RNF150: variants seen among roughly 807,000 people sequenced by gnomAD.
RNF150 encodes ring finger protein 150.
A neutral mutation model predicts 39.3 loss-of-function variants in RNF150; 24 were observed. That is an observed-to-expected ratio of 0.61 (90% CI 0.44 to 0.86). RNF150 has a LOEUF of 0.86. RNF150 is among the 40% of genes least tolerant of loss of function. RNF150 has a pLI of 0.00. For missense variants in RNF150, 502 were observed against 587.8 expected (o/e 0.85, Z 1.51); for synonymous variants, 255 against 227.3 (o/e 1.12, Z -1.10).
intron 1 of RNF150, among the ~76,000 whole-genome samples, chr4:141,167,048 G>C (rs6827410): frequency 3.3e-5 from 5 of 151,878 alleles, no homozygotes; most frequent in Non-Finnish European, 7.4e-5. Context: ...GAAAACCCCA[G>C]CATCTCAGCC....
chr4:141,078,347 A>T (rs1218485128), intron 1 of RNF150, among the ~76,000 whole-genome samples: 2 of 152,126 alleles, frequency 1.3e-5, no homozygotes, highest in African/African-American at 4.8e-5. Flanking sequence ...CAATTTTGAA[A>T]CGGTGTACTG....
intron 1 of RNF150, among the ~76,000 whole-genome samples, chr4:141,127,725 A>G (rs550046305): frequency 2.0e-5 from 3 of 152,142 alleles, no homozygotes; most frequent in Non-Finnish European, 4.4e-5. Context: ...TCCATCTCCA[A>G]GTTGCCCTTA....
At chr4:141,096,618 G>GT (rs911340407) in intron 1 of RNF150, among the ~76,000 whole-genome samples, 19 of 152,284 alleles carry the variant, frequency 1.2e-4, no homozygotes, top group African/African-American at 4.1e-4. Flanking sequence ...TTGCTAAGAT[G>GT]TAAGTCATGC....
rs374525472 is a variant in RNF150 at position 140,902,771 on chromosome 4, A to C, written c.1198+8373T>G. ...GAGACAGGGTCCGCTGCGTATAGGA[A>C]TCCCAGAAGGAGATCAGGCTACAGC... On this transcript the variant is annotated intron_variant, in intron 6 of 6. Coordinates refer to ENST00000515673, the MANE Select transcript of RNF150 (RefSeq NM_020724.2). Among the ~76,000 whole-genome samples the C allele has an allele frequency of 2.0e-4, 30 of 152,314 alleles. No homozygotes were observed. In the South Asian group the frequency reaches 6.2e-3, roughly 32 times the overall value.
At chr4:140,967,576 C>T in intron 2 of RNF150, 47 bp downstream of exon 2, 1 of 1,528,370 alleles carries the variant, frequency 6.5e-7, no homozygotes, top group South Asian at 1.3e-5. Context: ...TGTTTAATAA[C>T]ATTTTTGTAA....
intron 1 of RNF150, among the ~76,000 whole-genome samples, chr4:141,115,185 A>G (rs1010955930): frequency 7.2e-5 from 11 of 152,216 alleles, no homozygotes; most frequent in Non-Finnish European, 1.3e-4. Context: ...TCAAACAGGA[A>G]GAGAGGAAGT....
intron 1 of RNF150, among the ~76,000 whole-genome samples, chr4:141,015,258 C>T (rs550057148): frequency 6.6e-5 from 10 of 152,230 alleles, no homozygotes; most frequent in African/African-American, 2.4e-4. Context: ...ATGATGCTTC[C>T]AGACTTTTTC....
intron 1 of RNF150, among the ~76,000 whole-genome samples, chr4:141,009,769 T>A (rs73858470): frequency 0.076 from 11,540 of 152,244 alleles, 496 homozygotes; most frequent in Middle Eastern, 0.16. Flanking sequence ...TACCACCAAC[T>A]TAATGTTAAT....
chr4:140,934,325 T>A (rs147750999), intron 4 of RNF150, among the ~76,000 whole-genome samples: 2 of 152,076 alleles, frequency 1.3e-5, no homozygotes, highest in Non-Finnish European at 2.9e-5. Context: ...CATCATTTTT[T>A]AAAAAAGAAA....
intron 1 of RNF150, among the ~76,000 whole-genome samples, chr4:141,058,286 G>C (rs1174572639): frequency 6.6e-6 from 1 of 151,942 alleles, no homozygotes; most frequent in Non-Finnish European, 1.5e-5. Flanking sequence ...AGAAAGAAAG[G>C]GATGAAGAGG....
chr4:140,956,237 C>A (rs139415256), intron 2 of RNF150, among the ~76,000 whole-genome samples: 113 of 152,270 alleles, frequency 7.4e-4, no homozygotes, highest in Middle Eastern at 3.4e-3. Context: ...GACAGGGATA[C>A]CTGCCATGGC....
At chr4:141,158,905 CT>C (rs1438559679) in intron 1 of RNF150, among the ~76,000 whole-genome samples, 3 of 152,096 alleles carry the variant, frequency 2.0e-5, no homozygotes, top group Non-Finnish European at 4.4e-5. Context: ...TTCTTCATTC[CT>C]TTTTGTTAAG....
chr4:141,188,894 C>T (rs991395071), intron 1 of RNF150, among the ~76,000 whole-genome samples: 1 of 152,194 alleles, frequency 6.6e-6, no homozygotes, highest in Non-Finnish European at 1.5e-5. Flanking sequence ...CTGTCAAACT[C>T]ATTGTCTGTC....
At chr4:140,890,000 C>G (rs1374066069) in intron 6 of RNF150, among the ~76,000 whole-genome samples, 1 of 151,962 alleles carries the variant, frequency 6.6e-6, no homozygotes, top group Non-Finnish European at 1.5e-5. Flanking sequence ...TAAGGCAAAA[C>G]AAAAAACAAA....
intron 1 of RNF150, among the ~76,000 whole-genome samples, chr4:141,068,575 G>A (rs1269136997): frequency 6.6e-6 from 1 of 151,816 alleles, no homozygotes; most frequent in Non-Finnish European, 1.5e-5. Flanking sequence ...CTTTAAAGTA[G>A]TTTTTTCCAA....
Position 141,042,942 on chromosome 4 carries a change from T to TA in RNF150, c.485-75070dup, listed in dbSNP as rs571074931. On this transcript the variant is annotated intron_variant, in intron 1 of 6. Coordinates refer to ENST00000515673, the MANE Select transcript of RNF150 (RefSeq NM_020724.2). ...GTCAGAAGGATTAAATATCTAATGGTAAAAACTGCAATTACTTTTACACCA... is the reference window on the plus strand; with the variant it reads ...GTCAGAAGGATTAAATATCTAATGGTAAAAAACTGCAATTACTTTTACACCA... 2.2e-3 allele frequency among the ~76,000 whole-genome samples: 329 copies of TA among 152,200 alleles called. 2 individuals carry two copies. Among genetic ancestry groups the TA allele is most frequent in the African/African-American group, 7.8e-3 (323 of 41,564 alleles).
Position 140,947,711 on chromosome 4 carries a change from C to T in RNF150, c.833G>A (p.Cys278Tyr). Residue 278 changes from cysteine to tyrosine, a missense_variant, in exon 4 of 7, where the codon TGT becomes TAT. Coordinates refer to ENST00000515673, the MANE Select transcript of RNF150 (RefSeq NM_020724.2). ...CTTGTACCCTTCAATACAAACTGCACAGTTGTCAAAATCAGACTCTGTTTC... is the reference window on the plus strand; with the variant it reads ...CTTGTACCCTTCAATACAAACTGCATAGTTGTCAAAATCAGACTCTGTTTC... ...DKETESDFDN[C>Y]AVCIEGYKPN... The T allele has an allele frequency of 6.3e-7, 1 of 1,599,564 alleles. No homozygotes were observed. Among genetic ancestry groups the T allele is most frequent in the Non-Finnish European group, 8.5e-7 (1 of 1,174,606 alleles).
At chr4:141,170,312 T>C (rs1727691078) in intron 1 of RNF150, among the ~76,000 whole-genome samples, 1 of 152,326 alleles carries the variant, frequency 6.6e-6, no homozygotes, top group African/African-American at 2.4e-5. Flanking sequence ...CTTTATCATA[T>C]AGATGACACG....
At chr4:141,166,016 T>G (rs1224004306) in intron 1 of RNF150, among the ~76,000 whole-genome samples, 2 of 152,104 alleles carry the variant, frequency 1.3e-5, no homozygotes, top group South Asian at 4.1e-4. Flanking sequence ...CAGGAGCTAG[T>G]TTTTTGAAAA....
Sources: allele counts gnomAD v4.1 joint callset (sites outside exome capture counted in the v4.1 genomes callset), GRCh38; gene constraint gnomAD v4.1.1; transcripts MANE v1.5; gene names NCBI Gene and HGNC (gene_info 2026-07-23, HGNC 2026-07-21).